ZMYND8: variants seen among roughly 807,000 people sequenced by gnomAD.
ZMYND8 encodes the protein MYND-type zinc finger-containing chromatin reader ZMYND8.
ZMYND8 carries 37 observed loss-of-function variants against 140.8 expected under a neutral mutation model. The observed-to-expected ratio is 0.26, with a 90% confidence interval of 0.20 to 0.35. ZMYND8 has a LOEUF of 0.35. Among genes scored for constraint, ZMYND8 ranks in the 10% least tolerant of loss-of-function variants. The probability of loss-of-function intolerance (pLI) is 1.00; values close to 1 mark genes in which losing one functional copy is unlikely to be tolerated. For synonymous variants in ZMYND8, 592 were observed against 597.1 expected (o/e 0.99, Z 0.12); for missense variants, 1,068 against 1,570.0 (o/e 0.68, Z 5.40).
intron 22 of ZMYND8, among the ~76,000 whole-genome samples, chr20:47,212,254 G>A (rs1428166983): frequency 7.2e-5 from 11 of 152,182 alleles, no homozygotes; most frequent in Non-Finnish European, 1.6e-4. Context: ...GGGCCAAGCT[G>A]AGTTCAGTAT....
rs1601292167 is a variant in ZMYND8, at chr20:47,252,910, C to T, written c.1622-3471G>A. ...CTCCAGACTGGGCAAAAGAGCCAGA[C>T]CTTATCTCAAAAAATAAAATAAAAG... On this transcript the variant is annotated intron_variant, in intron 12 of 22. Coordinates refer to ENST00000471951, the MANE Select transcript of ZMYND8 (RefSeq NM_001281775.3). 3.9e-5 allele frequency among the ~76,000 whole-genome samples: 6 copies of T among 152,132 alleles called. No individual in the cohort carries two copies. The East Asian group carries it at 1.2e-3, about 29-fold the overall frequency.
intron 2 of ZMYND8, among the ~76,000 whole-genome samples, chr20:47,321,399 G>C (rs2079937622): frequency 6.6e-6 from 1 of 152,202 alleles, no homozygotes; most frequent in Admixed American, 6.5e-5. Flanking sequence ...GTTGCGACAG[G>C]CATCTACTGG....
chr20:47,322,787 C>T (rs1244863898), intron 2 of ZMYND8, among the ~76,000 whole-genome samples: 1 of 152,150 alleles, frequency 6.6e-6, no homozygotes, highest in African/African-American at 2.4e-5. Context: ...ACAAGCAGAT[C>T]GACACAGCAC....
In ZMYND8 at chr20:47,294,788, T is replaced by A; in HGVS notation, c.454-9A>T. 6.2e-7 allele frequency: 1 copy of A among 1,611,908 alleles called. No individual in the cohort carries two copies. The highest frequency in any genetic ancestry group is 8.5e-7 in the Non-Finnish European group (1 of 1,178,026). On this transcript the variant is annotated splice_polypyrimidine_tract_variant and intron_variant, in intron 4 of 22. Coordinates refer to ENST00000471951, the MANE Select transcript of ZMYND8 (RefSeq NM_001281775.3). ...TCTGCTACTGTAATTTTCTACAAAG[T>A]CAAAGTCATACATAAACGTCCGGTT...
intron 11 of ZMYND8, among the ~76,000 whole-genome samples, chr20:47,267,718 G>A (rs78676993): frequency 0.074 from 11,313 of 152,126 alleles, 578 homozygotes; most frequent in South Asian, 0.21. Flanking sequence ...AAAATCCAAC[G>A]TCCTCTCCAA....
At chr20:47,292,663 T>C (rs142533492) in intron 5 of ZMYND8, among the ~76,000 whole-genome samples, 1 of 152,242 alleles carries the variant, frequency 6.6e-6, no homozygotes, top group East Asian at 1.9e-4. Context: ...TACATTTCTG[T>C]ACAGTACTCT....
Position 47,238,834 on chromosome 20 carries a change from C to T in ZMYND8, c.2589G>A (p.Gln863=). 1 of 1,613,230 alleles carries T rather than the reference C, an allele frequency of 6.2e-7. No individual in the cohort carries two copies. The highest frequency in any genetic ancestry group is 8.5e-7 in the Non-Finnish European group (1 of 1,180,014). ...HMQKMQRQQQ[Q]QQQQNQQQQP... ...GCTGCTGCTGGTTTTGCTGCTGCTG[C>T]TGCTGCTGCTGACGCTGCATCTTCT... is the stretch of plus-strand genomic sequence containing the variant. Residue 863 remains glutamine (Q), a synonymous_variant, in exon 15 of 23, where the codon CAG becomes CAA. Transcript: ENST00000471951.
At chr20:47,319,125 G>A (rs762013481) in intron 2 of ZMYND8, 13 of 1,070,132 alleles carry the variant, frequency 1.2e-5, no homozygotes, top group East Asian at 5.7e-5. Flanking sequence ...GGCCAGCCCC[G>A]GTCTTGTACG....
Position 47,276,537 on chromosome 20 carries a change from G to A in ZMYND8, c.1257C>T (p.Leu419=). Residue 419 remains leucine, a synonymous_variant, in exon 11 of 23, where the codon CTC becomes CTT. Transcript: ENST00000471951. ...TGGGGGATGCCGTCATGTCAAAGTT[G>A]AGCTTGACCTTCTCCTGCTTGTCTA... ...AKIDKQEKVK[L]NFDMTASPKI... is the part of the protein sequence containing the mutation. 6.2e-7 allele frequency: 1 copy of A among 1,614,006 alleles called. No individual in the cohort carries two copies. Among genetic ancestry groups the A allele is most frequent in the African/African-American group, 1.3e-5 (1 of 75,010 alleles).
At chr20:47,356,431 A>G in intron 1 of ZMYND8, 2 of 1,539,920 alleles carry the variant, frequency 1.3e-6, no homozygotes, top group Non-Finnish European at 1.7e-6. Context: ...GTGGAAGGAA[A>G]GGTGTGCCAG....
intron 2 of ZMYND8, among the ~76,000 whole-genome samples, chr20:47,333,748 A>G (rs1176201477): frequency 7.0e-6 from 1 of 141,886 alleles, no homozygotes; most frequent in South Asian, 2.3e-4. Flanking sequence ...AAAAAAAAAA[A>G]AAAAAAAACA....
At chr20:47,248,738 TGG>T (rs1291443632) in intron 13 of ZMYND8, among the ~76,000 whole-genome samples, 2 of 151,886 alleles carry the variant, frequency 1.3e-5, no homozygotes, top group Non-Finnish European at 2.9e-5. Context: ...GGAGGGCAGA[TGG>T]GGAGGGCAGT....
At chr20:47,252,291 C>CAAAAAA (rs144291181) in intron 12 of ZMYND8, among the ~76,000 whole-genome samples, 2 of 68,942 alleles carry the variant, frequency 2.9e-5, no homozygotes, top group Non-Finnish European at 2.6e-5. Flanking sequence ...GACTCTGTCT[C>CAAAAAA]AAAAAAAAAA....
intron 1 of ZMYND8, chr20:47,356,295 A>T: frequency 1.2e-6 from 1 of 865,488 alleles, no homozygotes. Flanking sequence ...GGAACTGCTC[A>T]GAGAGAGAGA....
chr20:47,310,298 G>A, intron 2 of ZMYND8, 94 bp from the exon 3 acceptor site: 1 of 1,437,428 alleles, frequency 7.0e-7, no homozygotes, highest in Non-Finnish European at 9.3e-7. Context: ...TGGGAACAGA[G>A]TGCATTCTGT....
chr20:47,246,504 G>A lies in ZMYND8; in HGVS notation c.1788C>T (p.Ile596=), dbSNP rs566119043. The A allele has an allele frequency of 3.0e-5, 47 of 1,575,118 alleles. No homozygotes were observed. The South Asian group carries it at 5.2e-4, about 18-fold the overall frequency. The change falls in exon 14 of 23, where the codon ATC becomes ATT. Residue 596 remains isoleucine, a synonymous_variant. Coordinates refer to ENST00000471951, the MANE Select transcript of ZMYND8 (RefSeq NM_001281775.3). ...SCKAQLGINE[I]SEDVYTAVEH... is the part of the protein sequence containing the mutation. ...CTACGGCCGTATAGACATCTTCCGAGATTTCATTTATGCCTAAATTCAAAA... is the reference window on the plus strand; with the variant it reads ...CTACGGCCGTATAGACATCTTCCGAAATTTCATTTATGCCTAAATTCAAAA...
At chr20:47,211,238 A>G (rs528251557) in intron 22 of ZMYND8, among the ~76,000 whole-genome samples, 1 of 152,322 alleles carries the variant, frequency 6.6e-6, no homozygotes, top group South Asian at 2.1e-4. Context: ...GAACGACACC[A>G]AGCACCCCAT....
At chr20:47,324,141 G>A (rs2080197774) in intron 2 of ZMYND8, among the ~76,000 whole-genome samples, 1 of 147,546 alleles carries the variant, frequency 6.8e-6, no homozygotes, top group Non-Finnish European at 1.5e-5. Flanking sequence ...GGCGGAGGTT[G>A]CCATAAGCCG....
chr20:47,340,974 T>C (rs1430565188), intron 2 of ZMYND8, among the ~76,000 whole-genome samples: 1 of 152,136 alleles, frequency 6.6e-6, no homozygotes, highest in Non-Finnish European at 1.5e-5. Flanking sequence ...TGCGAACGTG[T>C]GTTAAAGTTC....
Sources: gnomAD v4.1 joint callset for allele counts (sites outside exome capture counted in the v4.1 genomes callset) on GRCh38, gnomAD v4.1.1 for gene constraint, MANE v1.5 for transcripts, NCBI Gene and HGNC (gene_info 2026-07-23, HGNC 2026-07-21) for gene names.